Variants in RNPEP observed in about 807,000 individuals in gnomAD.
The protein encoded by RNPEP is arginyl aminopeptidase, also known as aminopeptidase B.
A neutral mutation model predicts 70.1 loss-of-function variants in RNPEP; 57 were observed. The ratio of observed to expected loss-of-function variants is 0.81; its 90% CI spans 0.66 to 1.01. The LOEUF (loss-of-function observed/expected upper bound fraction) is 1.01, where lower values mean the gene tolerates loss of function less well. RNPEP is among the 50% of genes least tolerant of loss of function. The pLI, the probability that RNPEP is intolerant of heterozygous loss-of-function variation, is 0.00. For missense variants in RNPEP, 787 were observed against 852.4 expected, an observed-to-expected ratio of 0.92 and a Z score of 0.96; for synonymous variants, 335 against 357.4, an observed-to-expected ratio of 0.94 and a Z score of 0.71.
intron 3 of RNPEP, among the ~76,000 whole-genome samples, chr1:201,991,965 C>G (rs747801942): frequency 1.3e-5 from 2 of 152,114 alleles, no homozygotes; most frequent in African/African-American, 2.4e-5. Context: ...TCTTTGGCGA[C>G]TTTTCTCTCC....
rs200361972 is a variant in RNPEP, at chr1:201,983,113, G to T, written c.447G>T (p.Gly149=). The T allele has an allele frequency of 8.1e-6, 12 of 1,476,260 alleles. No homozygotes were observed. Among genetic ancestry groups the T allele is most frequent in the Non-Finnish European group, 1.1e-5 (12 of 1,123,190 alleles). The allele number at this position is 1,476,260 out of a possible 1,614,324, so 91.4% of individuals were successfully genotyped here. ...CCTACCGCGTCGGGGAGGGACCCGG[G>T]GTGAGTGCGCCCCAGACTGCGCCCG... The part of the protein sequence containing the change: ...LLTYRVGEGP[G]VCWLAPEQTA... The change falls in exon 1 of 11, where the codon GGG becomes GGT. Residue 149 remains glycine (G), a splice_region_variant and synonymous_variant. Coordinates refer to ENST00000295640, the MANE Select transcript of RNPEP (RefSeq NM_020216.4).
intron 4 of RNPEP, among the ~76,000 whole-genome samples, chr1:201,996,660 A>G (rs1056364994): frequency 1.6e-4 from 25 of 151,918 alleles, no homozygotes; most frequent in Non-Finnish European, 2.8e-4. Flanking sequence ...CACTCAGCTA[A>G]TTTTTGTATT....
intron 4 of RNPEP, 57 bp from the exon 5 acceptor site, chr1:201,997,262 G>A: frequency 7.5e-7 from 1 of 1,339,690 alleles, no homozygotes; most frequent in Non-Finnish European, 1.1e-6. Flanking sequence ...AGGGAGGCGA[G>A]GTAGGGTCTG....
intron 10 of RNPEP, among the ~76,000 whole-genome samples, chr1:202,005,255 A>G (rs1684007452): frequency 6.6e-6 from 1 of 152,106 alleles, no homozygotes; most frequent in Non-Finnish European, 1.5e-5. Flanking sequence ...CTCACCACCT[A>G]CACCTTTCCA....
chr1:201,989,473 C>G lies in RNPEP; in HGVS notation c.679C>G (p.Pro227Ala), dbSNP rs267598305. ...CTTCTTCCAGATGTGTCAGCCCATC[C>G]CCTCCTATCTGATAGCTTTGGCCAT... is the stretch of plus-strand genomic sequence containing the variant. ...KFFFQMCQPIPSYLIALAIGD... is the reference protein window; with the variant it reads ...KFFFQMCQPIASYLIALAIGD... Residue 227 changes from proline (P) to alanine (A), a missense_variant, in exon 3 of 11, where the codon CCC becomes GCC. By Grantham distance (27) the Pro-to-Ala change is conservative. Coordinates refer to ENST00000295640, the MANE Select transcript of RNPEP (RefSeq NM_020216.4). 6.2e-7 allele frequency: 1 copy of G among 1,614,158 alleles called. No homozygotes were observed. The highest frequency in any genetic ancestry group is 2.2e-5 in the East Asian group (1 of 44,878).
At chr1:202,001,042 T>C (rs1683779953) in intron 6 of RNPEP, 2 of 275,646 alleles carry the variant, frequency 7.3e-6, no homozygotes, top group South Asian at 5.4e-5. Context: ...ACTAAGGAAA[T>C]GTGTCCGCTC....
intron 1 of RNPEP, among the ~76,000 whole-genome samples, chr1:201,986,486 G>A (rs11586632): frequency 0.59 from 89,457 of 150,656 alleles, 26,634 homozygotes; most frequent in Non-Finnish European, 0.61. Flanking sequence ...ATTAGATTGG[G>A]ATTATGGGTT....
At position 202,003,326 on chromosome 1, in the gene RNPEP, G is replaced by GAAGAGCTAGCCC. The variant is rs1683910044; in HGVS notation, c.1519_1530dup (p.Glu507_Gln510dup). 6 of 1,614,168 alleles carry GAAGAGCTAGCCC rather than the reference G, an allele frequency of 3.7e-6. No homozygotes were observed. The highest frequency in any genetic ancestry group is 5.1e-6 in the Non-Finnish European group (6 of 1,180,030). On this transcript the variant is annotated inframe_insertion, in exon 9 of 11. Transcript: ENST00000295640. ...TGGGGACTCACTCATGAAGCCTGCT[G>GAAGAGCTAGCCC]AAGAGCTAGCCCAACTGTGGGCAGC...
chr1:201,986,536 C>CTTTCTT (rs1553303391), intron 1 of RNPEP, among the ~76,000 whole-genome samples: 10,371 of 80,246 alleles, frequency 0.13, 562 homozygotes, highest in South Asian at 0.27. Context: ...CATTTTCTTT[C>CTTTCTT]TTTTTTTTTT....
chr1:201,991,914 C>T (rs1683347157), intron 3 of RNPEP, among the ~76,000 whole-genome samples: 1 of 152,102 alleles, frequency 6.6e-6, no homozygotes, highest in Non-Finnish European at 1.5e-5. Context: ...ATACTGACTG[C>T]CGTCCCATGA....
intron 9 of RNPEP, 96 bp from the exon 10 acceptor site, chr1:202,004,258 C>T: frequency 7.4e-7 from 1 of 1,352,638 alleles, no homozygotes; most frequent in Non-Finnish European, 1.0e-6. Flanking sequence ...ACATTCCTGA[C>T]CTCAAGTGAT....
At chr1:201,996,980 A>T (rs1357371051) in intron 4 of RNPEP, among the ~76,000 whole-genome samples, 1 of 151,910 alleles carries the variant, frequency 6.6e-6, no homozygotes, top group East Asian at 1.9e-4. Flanking sequence ...GGTCTTTATG[A>T]CCCCAAGTTG....
In RNPEP at chr1:201,982,859, C is replaced by T. The variant is rs546886645; in HGVS notation, c.193C>T (p.Leu65=). ...CCGGGGGCTGAGCGGCACCGCGGTC[C>T]TGGACCTGCGCTGCCTGGAGCCCGA... The part of the protein sequence containing the change: ...GSRGLSGTAV[L]DLRCLEPEGA... Residue 65 remains leucine, a synonymous_variant, in exon 1 of 11, where the codon CTG becomes TTG. Transcript: ENST00000295640. 5.6e-4 allele frequency: 782 copies of T among 1,384,098 alleles called. 6 individuals carry two copies. Among genetic ancestry groups the T allele is most frequent in the Admixed American group, 6.1e-4 (15 of 24,688 alleles). 85.7% of individuals were successfully genotyped at this position (1,384,098 alleles called of 1,614,324 possible). A position where few individuals can be genotyped will look rare whatever the true frequency, so the allele number is the denominator to read the frequency against.
chr1:202,004,128 G>A (rs982132231), intron 9 of RNPEP, among the ~76,000 whole-genome samples: 1 of 152,138 alleles, frequency 6.6e-6, no homozygotes, highest in South Asian at 2.1e-4. Context: ...AGTGATTCTT[G>A]ATTCTAGCAC....
intron 10 of RNPEP, among the ~76,000 whole-genome samples, chr1:202,005,002 C>G (rs77910772): frequency 6.6e-6 from 1 of 152,152 alleles, no homozygotes; most frequent in Non-Finnish European, 1.5e-5. Flanking sequence ...GGGGCTGGAC[C>G]GGAGACGAAG....
Position 201,983,560 on chromosome 1 carries a change from T to A in RNPEP, c.447+447T>A, listed in dbSNP as rs999140264. On this transcript the variant is annotated intron_variant, in intron 1 of 10. Transcript: ENST00000295640. ...CCTTATCTCTGCTTTATGGTGGCTC[T>A]AGAATTAGCCAGATGTTGATCTAGC... The A allele has an allele frequency of 9.9e-6, 13 of 1,308,440 alleles. No individual in the cohort carries two copies. In the Admixed American group the frequency reaches 2.8e-4, roughly 28 times the overall value. 81.1% of individuals were successfully genotyped at this position (1,308,440 alleles called of 1,614,324 possible). A position where few individuals can be genotyped will look rare whatever the true frequency, so the allele number is the denominator to read the frequency against.
chr1:201,997,245 G>T (rs778124044), intron 4 of RNPEP, 74 bp from the exon 5 acceptor site: 20 of 1,111,264 alleles, frequency 1.8e-5, no homozygotes, highest in Admixed American at 3.4e-5. Context: ...TTGGAAATAG[G>T]CTGGAAAGGG....
At position 202,005,591 on chromosome 1, in the gene RNPEP, G is replaced by A. The variant is rs377311493; in HGVS notation, c.1828G>A (p.Ala610Thr). 9 of 1,614,174 alleles carry A rather than the reference G, an allele frequency of 5.6e-6. No individual in the cohort carries two copies. The highest frequency in any genetic ancestry group is 2.2e-5 in the South Asian group (2 of 91,088). Residue 610 changes from alanine (A) to threonine (T), a missense_variant, in exon 11 of 11, where the codon GCA becomes ACA. By Grantham distance (58) the Ala-to-Thr change is moderately conservative (BLOSUM62 0). Coordinates refer to ENST00000295640, the MANE Select transcript of RNPEP (RefSeq NM_020216.4). ...GAAGTATACACTTCCGCTGTACCAC[G>A]CAATGATGGGTGGCAGTGAGGTGGC... is the stretch of plus-strand genomic sequence containing the variant. ...KQKYTLPLYH[A>T]MMGGSEVAQT...
chr1:201,986,507 A>G (rs917138597), intron 1 of RNPEP, among the ~76,000 whole-genome samples: 6 of 149,900 alleles, frequency 4.0e-5, no homozygotes, highest in Non-Finnish European at 7.4e-5. Flanking sequence ...TTGAGGGGCA[A>G]TTCACAGAGG....
Sources: allele counts gnomAD v4.1 joint callset (sites outside exome capture counted in the v4.1 genomes callset), GRCh38; gene constraint gnomAD v4.1.1; transcripts MANE v1.5; gene names NCBI Gene and HGNC (gene_info 2026-07-23, HGNC 2026-07-21).